The following SPMIP2 variants were observed in gnomAD, a reference collection of about 807,000 sequenced individuals.
The protein encoded by SPMIP2 is protein SPMIP2.
At chr4:158,912,526 A>C in the SPMIP2 span, among the ~76,000 whole-genome samples, 1 of 152,218 alleles carries the variant, frequency 6.6e-6, no homozygotes, top group Non-Finnish European at 1.5e-5. Context: ...AGAATGGAAA[A>C]TGTGTTGGCA....
chr4:158,975,722 C>T, the SPMIP2 span, among the ~76,000 whole-genome samples: 2 of 152,148 alleles, frequency 1.3e-5, no homozygotes, highest in African/African-American at 4.8e-5. Flanking sequence ...AGTTTGAAGT[C>T]AGGTAGTGTA....
the SPMIP2 span, chr4:158,904,422 CAT>C: frequency 6.8e-7 from 1 of 1,463,512 alleles, no homozygotes; most frequent in African/African-American, 1.4e-5. Context: ...CTCATAAAAC[CAT>C]GCTCTTTTAA....
At chr4:159,017,988 G>T in the SPMIP2 span, among the ~76,000 whole-genome samples, 2 of 151,996 alleles carry the variant, frequency 1.3e-5, no homozygotes, top group Non-Finnish European at 2.9e-5. Flanking sequence ...CACAGTCAGC[G>T]GGCTTTAAAC....
the SPMIP2 span, among the ~76,000 whole-genome samples, chr4:159,028,906 C>A: frequency 1.1e-4 from 17 of 152,048 alleles, no homozygotes; most frequent in Non-Finnish European, 2.1e-4. Context: ...ACCAGCCTGG[C>A]CAACATGGCA....
At chr4:158,926,139 T>C in the SPMIP2 span, among the ~76,000 whole-genome samples, 1 of 152,248 alleles carries the variant, frequency 6.6e-6, no homozygotes, top group Non-Finnish European at 1.5e-5. Flanking sequence ...TTATATCATT[T>C]AAGAATCAAC....
chr4:159,050,845 A>T, the SPMIP2 span, among the ~76,000 whole-genome samples: 1 of 151,960 alleles, frequency 6.6e-6, no homozygotes, highest in Non-Finnish European at 1.5e-5. Flanking sequence ...GCCGTGGTTC[A>T]CGCCTGTAAT....
chr4:158,974,015 A>C, the SPMIP2 span, among the ~76,000 whole-genome samples: 1 of 149,768 alleles, frequency 6.7e-6, no homozygotes, highest in Non-Finnish European at 1.5e-5. Context: ...AAGACATGAT[A>C]TATACTAAAA....
At chr4:159,072,895 A>G in the SPMIP2 span, among the ~76,000 whole-genome samples, 1 of 152,172 alleles carries the variant, frequency 6.6e-6, no homozygotes, top group Non-Finnish European at 1.5e-5. Flanking sequence ...CTGGCTTCCT[A>G]TTTTTTAATT....
chr4:158,982,129 G>A, the SPMIP2 span, among the ~76,000 whole-genome samples: 2 of 152,078 alleles, frequency 1.3e-5, no homozygotes, highest in African/African-American at 4.8e-5. Flanking sequence ...ACAAAGAAGA[G>A]CATTACAAAA....
chr4:158,933,625 T>C, the SPMIP2 span, among the ~76,000 whole-genome samples: 1 of 152,220 alleles, frequency 6.6e-6, no homozygotes, highest in East Asian at 1.9e-4. Context: ...CAGAAGCATC[T>C]GTGATTGTTG....
chr4:158,917,630 A>G, the SPMIP2 span, among the ~76,000 whole-genome samples: 1 of 151,220 alleles, frequency 6.6e-6, no homozygotes, highest in Non-Finnish European at 1.5e-5. Context: ...GAAAACTGCA[A>G]CTAAGTTGGG....
At chr4:158,965,765 C>A in the SPMIP2 span, among the ~76,000 whole-genome samples, 1 of 151,794 alleles carries the variant, frequency 6.6e-6, no homozygotes, top group African/African-American at 2.4e-5. Flanking sequence ...AAATTCATTA[C>A]TCTTTATCTA....
chr4:159,016,940 A>G, the SPMIP2 span, among the ~76,000 whole-genome samples: 1 of 152,224 alleles, frequency 6.6e-6, no homozygotes, highest in Non-Finnish European at 1.5e-5. Flanking sequence ...ACCACCCTGG[A>G]AAGCTCTGTG....
At chr4:159,049,800 A>G in the SPMIP2 span, among the ~76,000 whole-genome samples, 2 of 152,340 alleles carry the variant, frequency 1.3e-5, no homozygotes, top group East Asian at 1.9e-4. Context: ...TAAAACCCAT[A>G]TGATTTTTGT....
At chr4:158,969,751 C>A in the SPMIP2 span, among the ~76,000 whole-genome samples, 1 of 152,152 alleles carries the variant, frequency 6.6e-6, no homozygotes, top group South Asian at 2.1e-4. Context: ...CATCCTTAAC[C>A]GCCAGTCTTA....
At chr4:158,927,058 G>A in the SPMIP2 span, among the ~76,000 whole-genome samples, 8 of 152,174 alleles carry the variant, frequency 5.3e-5, no homozygotes, top group Non-Finnish European at 1.0e-4. Flanking sequence ...TATTATTGTT[G>A]AATTGTCTAT....
chr4:158,987,204 C>G, the SPMIP2 span, among the ~76,000 whole-genome samples: 120 of 148,400 alleles, frequency 8.1e-4, no homozygotes, highest in African/African-American at 2.7e-3. Flanking sequence ...CTAGTTCAAC[C>G]ATTGTGGAAG....
the SPMIP2 span, among the ~76,000 whole-genome samples, chr4:159,056,668 G>C: frequency 6.6e-6 from 1 of 152,132 alleles, no homozygotes; most frequent in Non-Finnish European, 1.5e-5. Flanking sequence ...GAGAGATCAA[G>C]CTGGAAAGGC....
the SPMIP2 span, among the ~76,000 whole-genome samples, chr4:159,033,567 A>G: frequency 6.6e-6 from 1 of 152,254 alleles, no homozygotes; most frequent in Non-Finnish European, 1.5e-5. Context: ...GGCTAGAAAG[A>G]AAATGTGCAG....
Sources: allele counts gnomAD v4.1 joint callset (sites outside exome capture counted in the v4.1 genomes callset), GRCh38; gene constraint gnomAD v4.1.1; transcripts MANE v1.5; gene names NCBI Gene and HGNC (gene_info 2026-07-23, HGNC 2026-07-21).